Variants in KCND2 observed in about 807,000 individuals in gnomAD.
The protein encoded by KCND2 is potassium voltage-gated channel subfamily D member 2.
In KCND2, 16 loss-of-function variants were observed where a neutral mutation model predicts 54.4. The observed-to-expected ratio is 0.29, with a 90% CI of 0.20 to 0.45. The LOEUF (loss-of-function observed/expected upper bound fraction) is 0.45. Among genes scored for constraint, KCND2 ranks in the 20% least tolerant of loss-of-function variants. The probability of loss-of-function intolerance (pLI) is 1.00; values close to 1 mark genes in which losing one functional copy is unlikely to be tolerated. For missense variants in KCND2, 486 were observed against 824.2 expected (o/e 0.59, Z 5.02); for synonymous variants, 317 against 310.7 (o/e 1.02, Z -0.21).
intron 3 of KCND2, 75 bp from the exon 4 acceptor site, chr7:120,742,435 G>T: frequency 8.5e-7 from 1 of 1,170,144 alleles, no homozygotes; most frequent in Admixed American, 1.7e-5. Flanking sequence ...AGATCTCTCT[G>T]TGGAAATATG....
intron 1 of KCND2, among the ~76,000 whole-genome samples, chr7:120,398,404 A>G (rs1361317243): frequency 6.6e-6 from 1 of 152,026 alleles, no homozygotes; most frequent in Non-Finnish European, 1.5e-5. Flanking sequence ...GATGACTAGG[A>G]TACAAAGACC....
intron 1 of KCND2, among the ~76,000 whole-genome samples, chr7:120,489,646 T>G (rs1323516620): frequency 6.6e-6 from 1 of 152,180 alleles, no homozygotes; most frequent in Non-Finnish European, 1.5e-5. Context: ...TGCTTTCATT[T>G]AAGTTACTAT....
chr7:120,678,260 G>A (rs144810174), intron 1 of KCND2, among the ~76,000 whole-genome samples: 125 of 149,850 alleles, frequency 8.3e-4, no homozygotes, highest in African/African-American at 2.9e-3. Context: ...CCAATTTCCT[G>A]TATGCATTCA....
In KCND2 at chr7:120,562,573, T is replaced by C. The variant is rs1792248461; in HGVS notation, c.1116-170330T>C. 2.6e-5 allele frequency among the ~76,000 whole-genome samples: 4 copies of C among 152,016 alleles called. No homozygotes were observed. The South Asian group carries it at 8.3e-4, about 31-fold the overall frequency. On this transcript the variant is annotated intron_variant, in intron 1 of 5. Transcript: ENST00000331113. ...AGGGAAGCAGAAAAGGATTTTTTTT[T>C]CTGAATAATCACATCTTCATGTTTG...
Position 120,446,640 on chromosome 7 carries a change from G to T in KCND2, c.1115+170893G>T, listed in dbSNP as rs931834629. Among the ~76,000 whole-genome samples the T allele has an allele frequency of 5.3e-5, 8 of 152,098 alleles. No individual in the cohort carries two copies. In the East Asian group the frequency reaches 1.5e-3, roughly 29 times the overall value. ...CATATATATTTTCATGGGAAGTTATGGCAGGATTTTAACTACTGATTCAGG... is the reference window on the plus strand; with the variant it reads ...CATATATATTTTCATGGGAAGTTATTGCAGGATTTTAACTACTGATTCAGG... On this transcript the variant is annotated intron_variant, in intron 1 of 5. Coordinates refer to ENST00000331113, the MANE Select transcript of KCND2 (RefSeq NM_012281.3).
intron 1 of KCND2, among the ~76,000 whole-genome samples, chr7:120,508,247 T>A (rs144386653): frequency 1.9e-3 from 295 of 152,132 alleles, no homozygotes; most frequent in African/African-American, 6.7e-3. Context: ...ATCATGTTCT[T>A]TGCTGATGTC....
intron 1 of KCND2, among the ~76,000 whole-genome samples, chr7:120,384,170 T>C (rs950992530): frequency 2.6e-5 from 4 of 152,132 alleles, no homozygotes; most frequent in African/African-American, 9.6e-5. Context: ...TTTTCTTATT[T>C]GTATTTTTAT....
intron 1 of KCND2, among the ~76,000 whole-genome samples, chr7:120,382,914 G>A (rs192510836): frequency 9.4e-4 from 143 of 151,910 alleles, no homozygotes; most frequent in Admixed American, 3.4e-3. Flanking sequence ...TCGAAAATCA[G>A]CAGTCAATAT....
At chr7:120,512,977 G>A (rs1803142468) in intron 1 of KCND2, among the ~76,000 whole-genome samples, 1 of 151,646 alleles carries the variant, frequency 6.6e-6, no homozygotes, top group African/African-American at 2.4e-5. Flanking sequence ...TCTATTTTTA[G>A]TAGAGACAGG....
At chr7:120,746,371 AC>A (rs1300553548) in intron 5 of KCND2, among the ~76,000 whole-genome samples, 1 of 152,158 alleles carries the variant, frequency 6.6e-6, no homozygotes, top group African/African-American at 2.4e-5. Flanking sequence ...ATGATGGTGG[AC>A]ACTACTAAAA....
intron 1 of KCND2, among the ~76,000 whole-genome samples, chr7:120,278,975 C>T (rs1232535910): frequency 3.3e-5 from 5 of 151,682 alleles, no homozygotes; most frequent in Non-Finnish European, 5.9e-5. Flanking sequence ...TTTATCCACC[C>T]GGCTCCCCTT....
intron 1 of KCND2, among the ~76,000 whole-genome samples, chr7:120,394,355 G>A (rs973615402): frequency 6.6e-6 from 1 of 151,908 alleles, no homozygotes; most frequent in Non-Finnish European, 1.5e-5. Context: ...GGGGCCACAA[G>A]ACTAGTTGAG....
chr7:120,750,199 G>T lies in KCND2; in HGVS notation c.*2341G>T, dbSNP rs148530480. 3.7e-3 allele frequency: 570 copies of T among 152,406 alleles called. 1 individual carries two copies. Among genetic ancestry groups the T allele is most frequent in the Non-Finnish European group, 5.4e-3 (364 of 67,846 alleles). 9.4% of individuals were successfully genotyped at this position (152,406 alleles called of 1,614,324 possible). A position where few individuals can be genotyped will look rare whatever the true frequency, so the allele number is the denominator to read the frequency against. On this transcript the variant is annotated 3_prime_UTR_variant, in exon 6 of 6. Transcript: ENST00000331113. ...TCTGTGTACCATATGGAGTAACTAAGGTCATTGTTTTTGACAATTTTGTTT... is the reference window on the plus strand; with the variant it reads ...TCTGTGTACCATATGGAGTAACTAATGTCATTGTTTTTGACAATTTTGTTT...
intron 1 of KCND2, among the ~76,000 whole-genome samples, chr7:120,324,366 TC>T (rs1799942132): frequency 6.8e-6 from 1 of 146,240 alleles, no homozygotes. Flanking sequence ...AGACATGAAG[TC>T]CTTGCCCATG....
intron 1 of KCND2, among the ~76,000 whole-genome samples, chr7:120,361,737 A>G (rs1459893942): frequency 1.3e-5 from 2 of 152,154 alleles, no homozygotes; most frequent in African/African-American, 4.8e-5. Flanking sequence ...GCTATTAAAT[A>G]TAATCACCAT....
chr7:120,533,180 A>G (rs1791863078), intron 1 of KCND2, among the ~76,000 whole-genome samples: 1 of 152,034 alleles, frequency 6.6e-6, no homozygotes, highest in Non-Finnish European at 1.5e-5. Context: ...TCAAGAGTCT[A>G]CTCCACATCT....
intron 1 of KCND2, among the ~76,000 whole-genome samples, chr7:120,594,260 A>T (rs994112130): frequency 6.6e-6 from 1 of 152,224 alleles, no homozygotes; most frequent in Non-Finnish European, 1.5e-5. Flanking sequence ...CTGAACGCAC[A>T]AGTAGTTATT....
chr7:120,430,025 C>A (rs2116161608), intron 1 of KCND2, among the ~76,000 whole-genome samples: 1 of 152,248 alleles, frequency 6.6e-6, no homozygotes, highest in South Asian at 2.1e-4. Flanking sequence ...TTACACAGTT[C>A]TGTGTTCTGT....
At chr7:120,320,119 CA>C (rs1020561430) in intron 1 of KCND2, among the ~76,000 whole-genome samples, 1 of 151,884 alleles carries the variant, frequency 6.6e-6, no homozygotes, top group Non-Finnish European at 1.5e-5. Flanking sequence ...CAATAACAAA[CA>C]TTGAAAAAAA....
Sources: gnomAD v4.1 joint callset for allele counts (sites outside exome capture counted in the v4.1 genomes callset) on GRCh38, gnomAD v4.1.1 for gene constraint, MANE v1.5 for transcripts, NCBI Gene and HGNC (gene_info 2026-07-23, HGNC 2026-07-21) for gene names.